FGGY: variants seen among roughly 807,000 people sequenced by gnomAD.
FGGY encodes the protein FGGY carbohydrate kinase domain containing.
A neutral mutation model predicts 71.3 loss-of-function variants in FGGY; 72 were observed. That is an observed-to-expected ratio of 1.01 (90% CI 0.84 to 1.23). The LOEUF is 1.23. Ranked by LOEUF, FGGY falls within the 50% of genes most tolerant of loss-of-function variation. FGGY has a pLI of 0.00. For missense variants in FGGY, 668 were observed against 682.3 expected (o/e 0.98, Z 0.23); for synonymous variants, 251 against 250.3 (o/e 1.00, Z -0.02).
rs551303292 is a variant in FGGY at position 59,339,965 on chromosome 1, T to G, written c.209T>G (p.Val70Gly). Reference sequence around the variant, plus strand: ...TATTTGTTTTTAAAACAGAAAGTTGTACAAGGGATTGATTTAAACCAAATT... The same window carrying G: ...TATTTGTTTTTAAAACAGAAAGTTGGACAAGGGATTGATTTAAACCAAATT... ...AACCVVTKKV[V>G]QGIDLNQIRG... is the part of the protein sequence containing the mutation. The change falls in exon 3 of 16, where the codon GTA (valine) becomes GGA (glycine). Residue 70 changes from valine (V) to glycine (G), a missense_variant. Val to Gly is a moderately radical substitution (Grantham distance 109). Around this residue, in one of 2 missense-constraint regions of FGGY, gnomAD observed 661 missense variants for 661.6 expected, o/e 1.00. Transcript: ENST00000303721. 6.8e-6 allele frequency: 11 copies of G among 1,607,174 alleles called. No homozygotes were observed. The highest frequency in any genetic ancestry group is 1.7e-5 in the Admixed American group (1 of 59,692).
At chr1:59,758,887 T>C (rs1009838819) in intron 15 of FGGY, among the ~76,000 whole-genome samples, 2 of 152,136 alleles carry the variant, frequency 1.3e-5, no homozygotes, top group Non-Finnish European at 2.9e-5. Context: ...CCTCATCCTA[T>C]AGGCAGAACA....
intron 3 of FGGY, among the ~76,000 whole-genome samples, chr1:59,344,594 G>A (rs901919723): frequency 6.6e-6 from 1 of 152,002 alleles, no homozygotes; most frequent in African/African-American, 2.4e-5. Context: ...GTATCTGAGG[G>A]GTACTTGTTC....
chr1:59,762,637 C>T lies in FGGY; in HGVS notation c.*53C>T. 9.7e-7 allele frequency: 1 copy of T among 1,032,734 alleles called. No individual in the cohort carries two copies. Among genetic ancestry groups the T allele is most frequent in the Non-Finnish European group, 1.4e-6 (1 of 716,760 alleles). The allele number at this position is 1,032,734 out of a possible 1,614,324, so 64.0% of individuals were successfully genotyped here. A position where few individuals can be genotyped will look rare whatever the true frequency, so the allele number is the denominator to read the frequency against. ...AGCTTCTGTGCCATTGCATTAAAGA[C>T]TTGTCATTTGATCCATGTTCAAGAC... On this transcript the variant is annotated 3_prime_UTR_variant, in exon 16 of 16. Transcript: ENST00000303721.
intron 11 of FGGY, among the ~76,000 whole-genome samples, chr1:59,647,824 T>G (rs1264125933): frequency 7.5e-6 from 1 of 133,506 alleles, no homozygotes; most frequent in African/African-American, 2.9e-5. Flanking sequence ...TGTATACATG[T>G]GCCATGCTGG....
Position 59,587,583 on chromosome 1 carries a change from C to T in FGGY, c.904-20220C>T, listed in dbSNP as rs950385180. ...GACTGACACCTCACACGGCCGGGTA[C>T]TCCTCTGAGACAAAACTTCCAGAGG... On this transcript the variant is annotated intron_variant, in intron 8 of 15. Transcript: ENST00000303721. 2.6e-5 allele frequency among the ~76,000 whole-genome samples: 4 copies of T among 152,258 alleles called. No homozygotes were observed. In the East Asian group the frequency reaches 5.8e-4, roughly 22 times the overall value.
rs563218094 is a variant in FGGY, at chr1:59,538,067, A to T, written c.800-16057A>T. On this transcript the variant is annotated intron_variant, in intron 7 of 15. Coordinates refer to ENST00000303721, the MANE Select transcript of FGGY (RefSeq NM_018291.5). ...CCATCAGACTGAACAGGCAACCTAC[A>T]AAATGGGAGAAAATTTTCACAACCT... is the stretch of plus-strand genomic sequence containing the variant. Among the ~76,000 whole-genome samples the T allele has an allele frequency of 1.6e-3, 250 of 152,326 alleles. 6 individuals are homozygous for T. In the South Asian group the frequency reaches 0.027, roughly 17 times the overall value.
chr1:59,466,643 T>C (rs915400046), intron 6 of FGGY, among the ~76,000 whole-genome samples: 3 of 152,100 alleles, frequency 2.0e-5, no homozygotes, highest in African/African-American at 7.2e-5. Context: ...TACAAAGAAC[T>C]CAAACAACTT....
intron 1 of FGGY, among the ~76,000 whole-genome samples, chr1:59,303,768 T>G (rs948657610): frequency 1.1e-4 from 16 of 152,138 alleles, no homozygotes; most frequent in Admixed American, 2.0e-4. Flanking sequence ...ACTTATTCTT[T>G]GACTTTTGAT....
chr1:59,546,007 A>G (rs975544843), intron 7 of FGGY, among the ~76,000 whole-genome samples: 8 of 152,214 alleles, frequency 5.3e-5, no homozygotes, highest in African/African-American at 1.7e-4. Context: ...AGATGTTCCA[A>G]TCAATCTAAG....
At chr1:59,715,126 G>C (rs948714341) in intron 14 of FGGY, among the ~76,000 whole-genome samples, 14 of 152,170 alleles carry the variant, frequency 9.2e-5, no homozygotes, top group African/African-American at 2.9e-4. Context: ...TGCTGGGTTT[G>C]TTAAGAGTCA....
intron 14 of FGGY, among the ~76,000 whole-genome samples, chr1:59,746,160 C>T (rs2098195449): frequency 6.6e-6 from 1 of 152,084 alleles, no homozygotes; most frequent in Admixed American, 6.6e-5. Flanking sequence ...GGGACAGAAA[C>T]AAGAGGCTGA....
At chr1:59,609,492 G>C (rs6587864) in intron 9 of FGGY, among the ~76,000 whole-genome samples, 169 of 152,362 alleles carry the variant, frequency 1.1e-3, no homozygotes, top group African/African-American at 4.0e-3. Flanking sequence ...AATGAGGACA[G>C]TAATAATGAT....
intron 7 of FGGY, among the ~76,000 whole-genome samples, chr1:59,537,511 T>C (rs1249198384): frequency 2.6e-5 from 4 of 152,134 alleles, no homozygotes; most frequent in African/African-American, 9.7e-5. Flanking sequence ...AAACTTCATA[T>C]GGAACCAAAA....
intron 7 of FGGY, among the ~76,000 whole-genome samples, chr1:59,536,820 T>C (rs569947931): frequency 2.6e-5 from 4 of 152,190 alleles, no homozygotes; most frequent in African/African-American, 7.2e-5. Context: ...AAACTCTCAA[T>C]AAATTAGATA....
At chr1:59,665,500 T>C in intron 12 of FGGY, among the ~76,000 whole-genome samples, 1 of 152,078 alleles carries the variant, frequency 6.6e-6, no homozygotes, top group Middle Eastern at 3.2e-3. Context: ...CAATTAGGAT[T>C]TCATGTCCTA....
chr1:59,739,231 A>G (rs2098128577), intron 14 of FGGY, among the ~76,000 whole-genome samples: 1 of 152,174 alleles, frequency 6.6e-6, no homozygotes, highest in African/African-American at 2.4e-5. Flanking sequence ...AAATTCCAAT[A>G]ATGTTTCAGC....
chr1:59,466,715 C>T (rs1479489670), intron 6 of FGGY, among the ~76,000 whole-genome samples: 1 of 152,178 alleles, frequency 6.6e-6, no homozygotes, highest in African/African-American at 2.4e-5. Flanking sequence ...AGACACTTCT[C>T]AAAAGAAGAC....
chr1:59,608,624 G>A (rs532604984), intron 9 of FGGY, among the ~76,000 whole-genome samples: 1 of 152,226 alleles, frequency 6.6e-6, no homozygotes, highest in South Asian at 2.1e-4. Context: ...CCTGAGGTCT[G>A]AAGCTCAAGG....
chr1:59,657,485 A>G (rs1313511497), intron 11 of FGGY, among the ~76,000 whole-genome samples: 1 of 152,224 alleles, frequency 6.6e-6, no homozygotes, highest in African/African-American at 2.4e-5. Flanking sequence ...AATGGTGTTC[A>G]TGACTAGTGA....
Sources: allele counts gnomAD v4.1 joint callset (sites outside exome capture counted in the v4.1 genomes callset), GRCh38; gene constraint gnomAD v4.1.1; regional missense constraint gnomAD v4.1.1; transcripts MANE v1.5; gene names NCBI Gene and HGNC (gene_info 2026-07-23, HGNC 2026-07-21).